CCDC30: variants seen among roughly 807,000 people sequenced by gnomAD.
The protein encoded by CCDC30 is coiled-coil domain-containing protein 30.
In CCDC30, 70 loss-of-function variants were observed where a neutral mutation model predicts 100.2. That is an observed-to-expected ratio of 0.70 (90% CI 0.58 to 0.85). CCDC30 has a LOEUF of 0.85. Among genes scored for constraint, CCDC30 ranks in the 40% least tolerant of loss-of-function variants. CCDC30 has a pLI of 0.00. For synonymous variants in CCDC30, 233 were observed against 269.5 expected, an observed-to-expected ratio of 0.86 and a Z score of 1.33; for missense variants, 652 against 771.2, an observed-to-expected ratio of 0.85 and a Z score of 1.83.
At chr1:42,597,828 G>A (rs1646320797) in intron 10 of CCDC30, among the ~76,000 whole-genome samples, 1 of 146,384 alleles carries the variant, frequency 6.8e-6, no homozygotes, top group Non-Finnish European at 1.5e-5. Flanking sequence ...TCATGCCACT[G>A]CATTCCAGCC....
chr1:42,464,289 T>G lies in CCDC30; in HGVS notation c.-92+391T>G, dbSNP rs560977552. 5.3e-5 allele frequency: 8 copies of G among 152,362 alleles called. No homozygotes were observed. The East Asian group carries it at 1.5e-3, about 29-fold the overall frequency. The allele number at this position is 152,362 out of a possible 1,614,324, so 9.4% of individuals were successfully genotyped here. A position where few individuals can be genotyped will look rare whatever the true frequency, so the allele number is the denominator to read the frequency against. On this transcript the variant is annotated intron_variant, in intron 1 of 16. Transcript: ENST00000668663. The stretch of plus-strand genomic sequence containing the variant: ...GGAAAAAAAAATCAAAATTGCAGTA[T>G]TGGACCCATTTCAGGCTTACATAAT...
At chr1:42,472,996 T>C (rs1359172731) in intron 1 of CCDC30, 5 of 819,534 alleles carry the variant, frequency 6.1e-6, no homozygotes, top group African/African-American at 1.8e-5. Context: ...ACTAGCTTTC[T>C]ATTGCTAGTA....
intron 6 of CCDC30, among the ~76,000 whole-genome samples, chr1:42,515,841 A>C (rs993777076): frequency 1.3e-5 from 2 of 152,192 alleles, no homozygotes; most frequent in African/African-American, 4.8e-5. Flanking sequence ...TTTAATTTAG[A>C]ATGATGTCTT....
chr1:42,462,539 G>A (rs1643439530), upstream of CCDC30, among the ~76,000 whole-genome samples: 1 of 152,160 alleles, frequency 6.6e-6, no homozygotes, highest in Non-Finnish European at 1.5e-5. Context: ...ATTCTCTTGG[G>A]GAACTAGAGT....
At chr1:42,597,777 A>G (rs1646319321) in intron 10 of CCDC30, among the ~76,000 whole-genome samples, 1 of 152,154 alleles carries the variant, frequency 6.6e-6, no homozygotes, top group Admixed American at 6.5e-5. Flanking sequence ...AGGGAGGAGG[A>G]TCACTTGAGC....
intron 10 of CCDC30, among the ~76,000 whole-genome samples, chr1:42,597,810 AG>A (rs1454668357): frequency 2.0e-5 from 3 of 151,146 alleles, no homozygotes; most frequent in African/African-American, 7.3e-5. Context: ...GGCGGCAGTG[AG>A]TTGTGATCAT....
intron 6 of CCDC30, among the ~76,000 whole-genome samples, chr1:42,548,868 T>C (rs1557844992): frequency 6.6e-6 from 1 of 152,192 alleles, no homozygotes; most frequent in Non-Finnish European, 1.5e-5. Context: ...ATACCTAGCA[T>C]GGGCACATGC....
At chr1:42,590,605 C>G (rs997729542) in intron 10 of CCDC30, 3 of 152,096 alleles carry the variant, frequency 2.0e-5, no homozygotes, top group Non-Finnish European at 4.4e-5. Context: ...GATATGGTGG[C>G]ATGGACCTGT....
chr1:42,456,156 T>A, the CCDC30 span: 2 of 663,744 alleles, frequency 3.0e-6, no homozygotes, highest in South Asian at 1.6e-5. Flanking sequence ...ATTGCTGAAG[T>A]TGGAAAAGGG....
intron 6 of CCDC30, among the ~76,000 whole-genome samples, chr1:42,556,970 T>C (rs1645383408): frequency 6.6e-6 from 1 of 152,182 alleles, no homozygotes; most frequent in Non-Finnish European, 1.5e-5. Flanking sequence ...CTTTTGCTAT[T>C]TTACTAGGGA....
chr1:42,527,561 A>C (rs1288821457), intron 6 of CCDC30, among the ~76,000 whole-genome samples: 1 of 152,232 alleles, frequency 6.6e-6, no homozygotes, highest in Admixed American at 6.5e-5. Flanking sequence ...AATAAGAAGA[A>C]AGGTGATTTT....
chr1:42,628,375 C>T (rs147094881), intron 11 of CCDC30, among the ~76,000 whole-genome samples: 71 of 152,226 alleles, frequency 4.7e-4, no homozygotes, highest in African/African-American at 1.6e-3. Flanking sequence ...ACACTTTGAA[C>T]TGTGGACTTT....
rs577809689 is a variant in CCDC30 at position 42,569,388 on chromosome 1, G to A, written c.636+2913G>A. Among the ~76,000 whole-genome samples the A allele has an allele frequency of 3.9e-5, 6 of 152,220 alleles. No individual in the cohort carries two copies. The South Asian group carries it at 6.2e-4, about 16-fold the overall frequency. On this transcript the variant is annotated intron_variant, in intron 7 of 16. Coordinates refer to ENST00000668663, the Ensembl canonical transcript of CCDC30. ...AACATATGAAAAAAAGCTCATCATC[G>A]CTGGTCATTAGAGAAATGCAAATCA...
In CCDC30 at chr1:42,589,484, G is replaced by A. The variant is rs1646141651; in HGVS notation, c.1164+1G>A. The stretch of plus-strand genomic sequence containing the variant: ...AAATGAAAAAAGAAAATATGATGAG[G>A]TAAGAAAGTAAATAGACATGCTTCT... On this transcript the variant is annotated splice_donor_variant, in intron 10 of 16. Transcript: ENST00000668663. LOFTEE classifies it high-confidence loss of function. 6.2e-7 allele frequency: 1 copy of A among 1,605,448 alleles called. No homozygotes were observed. The highest frequency in any genetic ancestry group is 1.3e-5 in the African/African-American group (1 of 74,560).
At chr1:42,630,638 T>C (rs934196882) in intron 11 of CCDC30, among the ~76,000 whole-genome samples, 9 of 152,126 alleles carry the variant, frequency 5.9e-5, no homozygotes, top group Non-Finnish European at 8.8e-5. Flanking sequence ...TGCCTTGGCC[T>C]CCCCAAGTAC....
chr1:42,602,945 T>C (rs904742606), intron 10 of CCDC30, among the ~76,000 whole-genome samples: 8 of 152,252 alleles, frequency 5.3e-5, no homozygotes, highest in African/African-American at 1.7e-4. Context: ...AAGTGATTTA[T>C]CTCAGGTATG....
chr1:42,528,334 A>G (rs1476351833), intron 6 of CCDC30, among the ~76,000 whole-genome samples: 1 of 152,202 alleles, frequency 6.6e-6, no homozygotes, highest in African/African-American at 2.4e-5. Flanking sequence ...GGTGACCACA[A>G]TTGTGGCCCA....
chr1:42,646,205 A>G, exon 15 of CCDC30: 1 of 1,584,158 alleles, frequency 6.3e-7, no homozygotes. Flanking sequence ...CCAACAAAGA[A>G]ACAGAAAGAA....
At chr1:42,457,134 T>C in the CCDC30 span, 1 of 1,582,222 alleles carries the variant, frequency 6.3e-7, no homozygotes, top group African/African-American at 1.3e-5. Context: ...CAGCCACTTA[T>C]CCCCTTACCT....
Sources: allele counts gnomAD v4.1 joint callset (sites outside exome capture counted in the v4.1 genomes callset), GRCh38; gene constraint gnomAD v4.1.1; transcripts MANE v1.5; gene names NCBI Gene and HGNC (gene_info 2026-07-23, HGNC 2026-07-21).